Variants in CLSTN2 observed in about 807,000 individuals in gnomAD.
CLSTN2 encodes the protein calsyntenin 2.
CLSTN2 carries 48 observed loss-of-function variants against 101.2 expected under a neutral mutation model. The observed-to-expected ratio is 0.47, with a 90% confidence interval of 0.38 to 0.60. CLSTN2 has a LOEUF of 0.60. CLSTN2 is among the 20% of genes least tolerant of loss of function. CLSTN2 has a pLI of 0.00. For synonymous variants in CLSTN2, 481 were observed against 463.6 expected, an observed-to-expected ratio of 1.04 and a Z score of -0.48; for missense variants, 1,160 against 1,238.2, an observed-to-expected ratio of 0.94 and a Z score of 0.95.
At chr3:139,975,203 A>G (rs1400497526) in intron 1 of CLSTN2, among the ~76,000 whole-genome samples, 4 of 152,176 alleles carry the variant, frequency 2.6e-5, no homozygotes, top group African/African-American at 9.7e-5. Context: ...GAGGGGGAGT[A>G]GCAGGCACAG....
chr3:140,168,808 G>A lies in CLSTN2; in HGVS notation c.110-7143G>A, dbSNP rs188530111. On this transcript the variant is annotated intron_variant, in intron 1 of 16. Coordinates refer to ENST00000458420, the MANE Select transcript of CLSTN2 (RefSeq NM_022131.3). ...TTTGTCAGAAATGAACTGACCATAT[G>A]TATGTGTCTATTTCTGGACTGTTTC... Among the ~76,000 whole-genome samples, 12 of 152,136 alleles carry A rather than the reference G, an allele frequency of 7.9e-5. No homozygotes were observed. The East Asian group carries it at 2.3e-3, about 29-fold the overall frequency.
At chr3:140,401,132 G>T (rs971782413) in intron 2 of CLSTN2, among the ~76,000 whole-genome samples, 1 of 152,252 alleles carries the variant, frequency 6.6e-6, no homozygotes, top group South Asian at 2.1e-4. Flanking sequence ...ATATTTGTGA[G>T]AAGAATGAAT....
At chr3:140,083,252 G>A (rs1472464339) in intron 1 of CLSTN2, among the ~76,000 whole-genome samples, 1 of 152,118 alleles carries the variant, frequency 6.6e-6, no homozygotes, top group East Asian at 1.9e-4. Flanking sequence ...TCACCACTCT[G>A]TGCCCAGTGC....
chr3:139,943,216 C>T (rs868586769), intron 1 of CLSTN2, among the ~76,000 whole-genome samples: 4 of 152,324 alleles, frequency 2.6e-5, no homozygotes, highest in South Asian at 2.1e-4. Context: ...ACAAATATCA[C>T]AACCCATCCT....
intron 2 of CLSTN2, among the ~76,000 whole-genome samples, chr3:140,269,368 C>T (rs2086721534): frequency 6.6e-6 from 1 of 152,150 alleles, no homozygotes; most frequent in African/African-American, 2.4e-5. Flanking sequence ...GACCATAAAC[C>T]CAGCTTAATG....
At chr3:140,455,267 G>A (rs771821912) in intron 6 of CLSTN2, among the ~76,000 whole-genome samples, 59 of 152,304 alleles carry the variant, frequency 3.9e-4, no homozygotes, top group Non-Finnish European at 5.9e-4. Context: ...CATGCCCAGA[G>A]GTGGACCCTG....
intron 1 of CLSTN2, among the ~76,000 whole-genome samples, chr3:140,147,216 T>C (rs1468201153): frequency 3.3e-5 from 5 of 152,224 alleles, no homozygotes; most frequent in African/African-American, 1.2e-4. Context: ...CTACTCACCC[T>C]AGGAAATCAG....
chr3:140,189,421 G>A lies in CLSTN2; in HGVS notation c.232+13348G>A, dbSNP rs148037193. Among the ~76,000 whole-genome samples, 108 of 152,124 alleles carry A rather than the reference G, an allele frequency of 7.1e-4. No individual in the cohort carries two copies. In the East Asian group the frequency reaches 0.016, roughly 22 times the overall value. ...ATCCACACCAGCATTTGATCTTGTC[G>A]CTGTTTTTTATTATAGTCATTTAGG... On this transcript the variant is annotated intron_variant, in intron 2 of 16. Transcript: ENST00000458420.
At chr3:140,109,115 G>T (rs77811862) in intron 1 of CLSTN2, among the ~76,000 whole-genome samples, 3,150 of 152,240 alleles carry the variant, frequency 0.021, 123 homozygotes, top group African/African-American at 0.071. Flanking sequence ...AGTTAATTCT[G>T]GGCATGTGAG....
chr3:140,157,369 G>A (rs769209532), intron 1 of CLSTN2, among the ~76,000 whole-genome samples: 55 of 152,086 alleles, frequency 3.6e-4, no homozygotes, highest in Non-Finnish European at 6.6e-4. Flanking sequence ...TCTGGTCTGC[G>A]GATTTATTTG....
At chr3:140,539,046 T>G (rs1935416128) in intron 9 of CLSTN2, among the ~76,000 whole-genome samples, 1 of 152,224 alleles carries the variant, frequency 6.6e-6, no homozygotes, top group Non-Finnish European at 1.5e-5. Flanking sequence ...TCTTCCCTAT[T>G]AGGTCAAGAG....
At chr3:140,069,827 T>C (rs1317474637) in intron 1 of CLSTN2, among the ~76,000 whole-genome samples, 1 of 152,060 alleles carries the variant, frequency 6.6e-6, no homozygotes, top group East Asian at 1.9e-4. Context: ...GGCAGGAGAT[T>C]AGGATGTAGC....
intron 8 of CLSTN2, among the ~76,000 whole-genome samples, chr3:140,512,662 A>G (rs1934838277): frequency 6.6e-6 from 1 of 152,234 alleles, no homozygotes; most frequent in African/African-American, 2.4e-5. Flanking sequence ...TGTCAATGGT[A>G]GTTTCATGGG....
At chr3:139,955,204 C>T (rs1481697252) in intron 1 of CLSTN2, among the ~76,000 whole-genome samples, 2 of 140,872 alleles carry the variant, frequency 1.4e-5, no homozygotes, top group East Asian at 2.1e-4. Context: ...TTCTGGGTGG[C>T]TGACCCGTGC....
At chr3:140,352,938 A>C (rs1046431105) in intron 2 of CLSTN2, among the ~76,000 whole-genome samples, 3 of 152,172 alleles carry the variant, frequency 2.0e-5, no homozygotes, top group Admixed American at 6.5e-5. Context: ...CCAAACTTGC[A>C]TGGTAAATAT....
rs901344266 is a variant in CLSTN2, at chr3:139,945,698, G to A, written c.109+10215G>A. Among the ~76,000 whole-genome samples, 36 of 152,296 alleles carry A rather than the reference G, an allele frequency of 2.4e-4. 1 individual carries two copies. The highest frequency in any genetic ancestry group is 6.8e-3 in the Middle Eastern group (2 of 294). Reference sequence around the variant, plus strand: ...GTTGATGTGTTGTTTTCCAATTTGCGTGGATAACTGCATTGCAGCAGATTA... The same window carrying A: ...GTTGATGTGTTGTTTTCCAATTTGCATGGATAACTGCATTGCAGCAGATTA... On this transcript the variant is annotated intron_variant, in intron 1 of 16. Transcript: ENST00000458420.
chr3:140,057,172 ACACATCCAAAGCAATG>A (rs1300105131), intron 1 of CLSTN2, among the ~76,000 whole-genome samples: 1 of 152,226 alleles, frequency 6.6e-6, no homozygotes, highest in Non-Finnish European at 1.5e-5. Flanking sequence ...GCAAACCAAT[ACACATCCAAAGCAATG>A]CACATCCAAT....
chr3:140,202,922 G>T (rs1273569685), intron 2 of CLSTN2, among the ~76,000 whole-genome samples: 1 of 152,088 alleles, frequency 6.6e-6, no homozygotes, highest in South Asian at 2.1e-4. Context: ...AGTTCTGGAC[G>T]GTGCAATGTG....
At chr3:140,398,257 C>T (rs1014805887) in intron 2 of CLSTN2, among the ~76,000 whole-genome samples, 1 of 152,116 alleles carries the variant, frequency 6.6e-6, no homozygotes, top group African/African-American at 2.4e-5. Context: ...GTGCACTTTC[C>T]ATTTCATCCC....
Sources: allele counts gnomAD v4.1 joint callset (sites outside exome capture counted in the v4.1 genomes callset), GRCh38; gene constraint gnomAD v4.1.1; transcripts MANE v1.5; gene names NCBI Gene and HGNC (gene_info 2026-07-23, HGNC 2026-07-21).